The following LMNA variants were observed in gnomAD, a reference collection of about 807,000 sequenced individuals.
LMNA encodes lamin A/C.
Under a neutral mutation model 70.4 loss-of-function variants are expected in LMNA, and 20 were observed. That is an observed-to-expected ratio of 0.28 (90% confidence interval 0.20 to 0.41). The LOEUF is 0.41. LMNA is among the 10% of genes least tolerant of loss of function. The pLI, the probability that LMNA is intolerant of heterozygous loss-of-function variation, is 1.00. For synonymous variants in LMNA, 339 were observed against 372.8 expected, an observed-to-expected ratio of 0.91 and a Z score of 1.04; for missense variants, 652 against 917.2, an observed-to-expected ratio of 0.71 and a Z score of 3.73.
At chr1:156,105,564 G>C (rs775836745) in intron 3 of LMNA, among the ~76,000 whole-genome samples, 1 of 152,148 alleles carries the variant, frequency 6.6e-6, no homozygotes, top group Non-Finnish European at 1.5e-5. Context: ...AGCTTTCAAC[G>C]GGGACCTTGA....
intron 2 of LMNA, among the ~76,000 whole-genome samples, chr1:156,131,999 G>A (rs761468770): frequency 7.9e-5 from 12 of 152,020 alleles, no homozygotes; most frequent in South Asian, 2.1e-4. Flanking sequence ...GTTAAACTCC[G>A]TCTCTACTAA....
chr1:156,102,645 C>T (rs547214937), intron 3 of LMNA, among the ~76,000 whole-genome samples: 58 of 152,248 alleles, frequency 3.8e-4, no homozygotes, highest in Non-Finnish European at 6.3e-4. Context: ...CCCTCCTGGG[C>T]GCCTCTGGCC....
At position 156,135,949 on chromosome 1, in the gene LMNA, C is replaced by A. The variant is rs775159300; in HGVS notation, c.985C>A (p.Arg329Ser). 8.7e-6 allele frequency: 14 copies of A among 1,613,922 alleles called. No homozygotes were observed. In the South Asian group the frequency reaches 1.5e-4, roughly 18 times the overall value. The change falls in exon 6 of 12, where the codon CGT (arginine) becomes AGT (serine). Residue 329 changes from arginine to serine, a missense_variant. Arg to Ser is a moderately radical substitution (Grantham distance 110). Transcript: ENST00000368300. The surrounding 1 kb of genome is among the most constrained non-coding windows in gnomAD (Gnocchi z 4.8). Reference protein sequence around the residue: ...KLRDLEDSLARERDTSRRLLA... With the variant: ...KLRDLEDSLASERDTSRRLLA... ...TCGAGACCTGGAGGACTCACTGGCC[C>A]GTGAGCGGGACACCAGCCGGCGGCT...
rs1651825598 is a variant in LMNA at position 156,138,093 on chromosome 1, A to G, written c.1698+350A>G. On this transcript the variant is annotated intron_variant, in intron 10 of 11. Transcript: ENST00000368300. The surrounding 1 kb of genome is among the most constrained non-coding windows in gnomAD (Gnocchi z 5.5). ...TCTCTCCCCCATTCTTGTTGCATGC[A>G]TATCCTCTCATTTCCCTCATTTTTC... 5 of 495,410 alleles carry G rather than the reference A, an allele frequency of 1.0e-5. No individual in the cohort carries two copies. The highest frequency in any genetic ancestry group is 7.7e-5 in the African/African-American group (4 of 51,632). The allele number at this position is 495,410 out of a possible 1,614,324, so 30.7% of individuals were successfully genotyped here. A position where few individuals can be genotyped will look rare whatever the true frequency, so the allele number is the denominator to read the frequency against.
chr1:156,104,149 G>A (rs1649238283), intron 3 of LMNA, among the ~76,000 whole-genome samples: 1 of 152,244 alleles, frequency 6.6e-6, no homozygotes, highest in South Asian at 2.1e-4. Context: ...CATATTGCCA[G>A]CTTGGGCGTG....
chr1:156,097,841 A>G (rs994302488), intron 3 of LMNA, among the ~76,000 whole-genome samples: 1 of 152,234 alleles, frequency 6.6e-6, no homozygotes, highest in African/African-American at 2.4e-5. Context: ...CTCTCCTCCA[A>G]GCCCAAGAGA....
In LMNA at chr1:156,086,905, T is replaced by C. The variant is rs1279789588; in HGVS notation, c.-318-3566T>C. 3.3e-5 allele frequency among the ~76,000 whole-genome samples: 5 copies of C among 152,330 alleles called. No homozygotes were observed. The East Asian group carries it at 9.6e-4, about 29-fold the overall frequency. ...CCGCCCCCACCTTGGCCTCCCAAAG[T>C]ACTGGGATTACAGGCGTGAGCCACC... On this transcript the variant is annotated intron_variant, in intron 2 of 12. Coordinates refer to the LMNA transcript ENST00000368301.
In LMNA at chr1:156,139,474, GC is replaced by G; in HGVS notation, c.*369del. 3 of 1,332,292 alleles carry G rather than the reference GC, an allele frequency of 2.3e-6. No individual in the cohort carries two copies. Among genetic ancestry groups the G allele is most frequent in the Non-Finnish European group, 2.9e-6 (3 of 1,043,424 alleles). 82.5% of individuals were successfully genotyped at this position (1,332,292 alleles called of 1,614,324 possible). On this transcript the variant is annotated 3_prime_UTR_variant, in exon 12 of 12. Transcript: ENST00000368300. ...GGCTAGCTTCTGCTTTTCTGCCCTGGCTGCTGCCCCCACCCCGGGGACCCTG... is the reference window on the plus strand; with the variant it reads ...GGCTAGCTTCTGCTTTTCTGCCCTGGTGCTGCCCCCACCCCGGGGACCCTG...
chr1:156,104,861 C>T (rs1649272336), intron 3 of LMNA, among the ~76,000 whole-genome samples: 2 of 152,218 alleles, frequency 1.3e-5, no homozygotes, highest in Admixed American at 1.3e-4. Flanking sequence ...CCATACTGCA[C>T]TCCCAGGCCA....
chr1:156,137,688 CTG>C lies in LMNA; in HGVS notation c.1646_1647del (p.Val549GlyfsTer2), dbSNP rs2102898301. On this transcript the variant is annotated frameshift_variant, in exon 10 of 12. Coordinates refer to ENST00000368300, the MANE Select transcript of LMNA (RefSeq NM_170707.4). LOFTEE classifies it high-confidence loss of function. This position sits in a 1 kb window ranked among gnomAD's most constrained non-coding sequence, Gnocchi z 4.6. ...ATGCGCAAGCTGGTGCGCTCAGTGA[CTG>C]TGGTTGAGGACGACGAGGATGAGGA... The C allele has an allele frequency of 6.4e-7, 1 of 1,556,382 alleles. No homozygotes were observed. The highest frequency in any genetic ancestry group is 8.7e-7 in the Non-Finnish European group (1 of 1,149,348).
intron 3 of LMNA, among the ~76,000 whole-genome samples, chr1:156,104,731 T>A (rs1182738124): frequency 3.3e-5 from 5 of 152,152 alleles, no homozygotes; most frequent in Non-Finnish European, 7.4e-5. Context: ...CGGTGCTCAG[T>A]TAGCCCCAAC....
At chr1:156,117,962 T>C (rs74758957) in intron 1 of LMNA, among the ~76,000 whole-genome samples, 7,234 of 144,604 alleles carry the variant, frequency 0.05, 303 homozygotes, top group African/African-American at 0.12. Flanking sequence ...ACCACCACGC[T>C]TGGCTAATTT....
At chr1:156,132,768 T>TG (rs1365320139) in intron 2 of LMNA, among the ~76,000 whole-genome samples, 1 of 151,580 alleles carries the variant, frequency 6.6e-6, no homozygotes, top group Non-Finnish European at 1.5e-5. Context: ...CTGGATGCAC[T>TG]GATCAGCCTG....
chr1:156,091,729 G>A (rs1188429583), intron 3 of LMNA, among the ~76,000 whole-genome samples: 4 of 152,138 alleles, frequency 2.6e-5, no homozygotes, highest in Admixed American at 6.5e-5. Context: ...CTACTTGCAC[G>A]GAGCTGATAC....
intron 1 of LMNA, among the ~76,000 whole-genome samples, chr1:156,116,174 C>G (rs1649814574): frequency 6.6e-6 from 1 of 152,206 alleles, no homozygotes; most frequent in South Asian, 2.1e-4. Flanking sequence ...TTGGGGTGAG[C>G]CACTTTCATT....
chr1:156,138,255 A>G lies in LMNA; in HGVS notation c.1699-233A>G. 1 of 597,966 alleles carries G rather than the reference A, an allele frequency of 1.7e-6. No homozygotes were observed. The highest frequency in any genetic ancestry group is 2.8e-5 in the East Asian group (1 of 36,076). 37.0% of individuals were successfully genotyped at this position (597,966 alleles called of 1,614,324 possible). On this transcript the variant is annotated intron_variant, in intron 10 of 11. Coordinates refer to ENST00000368300, the MANE Select transcript of LMNA (RefSeq NM_170707.4). The surrounding 1 kb of genome is among the most constrained non-coding windows in gnomAD (Gnocchi z 5.5). ...GAGTAGCTAGAACAGAGTCAGAGTC[A>G]CTGCTCTGGTTCTCTGTCCCCAAGT...
chr1:156,132,847 T>C (rs2102873098), intron 2 of LMNA, among the ~76,000 whole-genome samples: 1 of 149,210 alleles, frequency 6.7e-6, no homozygotes, highest in Admixed American at 6.6e-5. Flanking sequence ...CTTTTTTTTT[T>C]TTTTTTTTTT....
intron 3 of LMNA, among the ~76,000 whole-genome samples, chr1:156,092,128 G>A (rs1476886884): frequency 6.6e-6 from 1 of 151,934 alleles, no homozygotes. Context: ...ATCTTGGTCA[G>A]ACTGGTCTCA....
chr1:156,139,713 G>A lies in LMNA; in HGVS notation c.*607G>A, dbSNP rs1196371528. 20 of 1,304,454 alleles carry A rather than the reference G, an allele frequency of 1.5e-5. No individual in the cohort carries two copies. The East Asian group carries it at 3.8e-4, about 25-fold the overall frequency. 80.8% of individuals were successfully genotyped at this position (1,304,454 alleles called of 1,614,324 possible). On this transcript the variant is annotated 3_prime_UTR_variant, in exon 12 of 12. Coordinates refer to ENST00000368300, the MANE Select transcript of LMNA (RefSeq NM_170707.4). ...AGTCCCCACCCCTGCCCCCAGCCCCGGGGTGAGTCCATTCTCCCAGGTACC... is the reference window on the plus strand; with the variant it reads ...AGTCCCCACCCCTGCCCCCAGCCCCAGGGTGAGTCCATTCTCCCAGGTACC...
Sources: allele counts gnomAD v4.1 joint callset (sites outside exome capture counted in the v4.1 genomes callset), GRCh38; gene constraint gnomAD v4.1.1; non-coding constraint Gnocchi (gnomAD v3.1); transcripts MANE v1.5; gene names NCBI Gene and HGNC (gene_info 2026-07-23, HGNC 2026-07-21).